The following PITPNC1 variants were observed in gnomAD, a reference collection of about 807,000 sequenced individuals.
The protein encoded by PITPNC1 is phosphatidylinositol transfer protein cytoplasmic 1, also known as cytoplasmic phosphatidylinositol transfer protein 1.
A neutral mutation model predicts 44.7 loss-of-function variants in PITPNC1; 18 were observed. The observed-to-expected ratio is 0.40, with a 90% CI of 0.28 to 0.60. PITPNC1 has a LOEUF of 0.60. Ranked by LOEUF, PITPNC1 falls within the 20% of genes least tolerant of loss-of-function variation. The probability of loss-of-function intolerance (pLI) is 0.39; values close to 1 mark genes in which losing one functional copy is unlikely to be tolerated. For missense variants in PITPNC1, 290 were observed against 418.4 expected, an observed-to-expected ratio of 0.69 and a Z score of 2.68; for synonymous variants, 141 against 149.6, an observed-to-expected ratio of 0.94 and a Z score of 0.42.
At chr17:67,521,537 T>G (rs185568013) in intron 1 of PITPNC1, among the ~76,000 whole-genome samples, 32 of 152,158 alleles carry the variant, frequency 2.1e-4, no homozygotes, top group Non-Finnish European at 4.4e-4. Flanking sequence ...CTGAGAGACA[T>G]CTGACAAAAC....
Position 67,494,185 on chromosome 17 carries a change from T to TTCTTTTTCTTTCTTTC in PITPNC1, c.49-38616_49-38615insCTTTTTCTTTCTTTCT. 7.8e-4 allele frequency among the ~76,000 whole-genome samples: 80 copies of TTCTTTTTCTTTCTTTC among 102,470 alleles called. 4 individuals carry two copies. Among genetic ancestry groups the TTCTTTTTCTTTCTTTC allele is most frequent in the East Asian group, 4.9e-3 (17 of 3,454 alleles). 67.2% of individuals were successfully genotyped at this position (102,470 alleles called of 152,430 possible). A position where few individuals can be genotyped will look rare whatever the true frequency, so the allele number is the denominator to read the frequency against. Reference sequence around the variant, plus strand: ...CCTCTTTCTTTCTTTCTTTCTTTCTTTTTCTTTCTTTCTTTCTTTCTTTCT... The same window carrying TTCTTTTTCTTTCTTTC: ...CCTCTTTCTTTCTTTCTTTCTTTCTTTCTTTTTCTTTCTTTCTTTCTTTCTTTCTTTCTTTCTTTCT... On this transcript the variant is annotated intron_variant, in intron 1 of 8. Coordinates refer to ENST00000581322, the MANE Select transcript of PITPNC1 (RefSeq NM_012417.4).
chr17:67,500,778 G>A (rs1598747336), intron 1 of PITPNC1, among the ~76,000 whole-genome samples: 1 of 151,862 alleles, frequency 6.6e-6, no homozygotes, highest in South Asian at 2.1e-4. Context: ...CAAACTCCTG[G>A]GCTCAAGTGA....
At chr17:67,391,760 A>T (rs2038142377) in intron 1 of PITPNC1, among the ~76,000 whole-genome samples, 1 of 152,052 alleles carries the variant, frequency 6.6e-6, no homozygotes, top group South Asian at 2.1e-4. Context: ...GGATTACAGG[A>T]GTGAGCCACC....
intron 4 of PITPNC1, among the ~76,000 whole-genome samples, chr17:67,576,349 C>G (rs1215015083): frequency 3.3e-5 from 5 of 152,062 alleles, no homozygotes; most frequent in African/African-American, 1.2e-4. Context: ...ATCTTTAAAG[C>G]AGGGGGGGAT....
At chr17:67,591,876 A>ATT (rs573013337) in intron 5 of PITPNC1, among the ~76,000 whole-genome samples, 41 of 139,894 alleles carry the variant, frequency 2.9e-4, no homozygotes, top group African/African-American at 4.7e-4. Context: ...TGCCCAGCTA[A>ATT]TTTTTTTTTT....
chr17:67,676,730 G>A lies in PITPNC1; in HGVS notation c.682+1188G>A, dbSNP rs2042609137. Among the ~76,000 whole-genome samples the A allele has an allele frequency of 6.6e-6, 1 of 152,040 alleles. No homozygotes were observed. Among genetic ancestry groups the A allele is most frequent in the Non-Finnish European group, 1.5e-5 (1 of 68,010 alleles). On this transcript the variant is annotated intron_variant, in intron 8 of 8. Coordinates refer to ENST00000581322, the MANE Select transcript of PITPNC1 (RefSeq NM_012417.4). This position sits in a 1 kb window ranked among gnomAD's most constrained non-coding sequence, Gnocchi z 4.0. The stretch of plus-strand genomic sequence containing the variant: ...ACCAAAGTAAAAGGACACGTTAGAC[G>A]GAAGGGGCAAAGACAGTCATTATTA...
At chr17:67,429,633 G>A (rs955165274) in intron 1 of PITPNC1, among the ~76,000 whole-genome samples, 1 of 151,954 alleles carries the variant, frequency 6.6e-6, no homozygotes, top group Non-Finnish European at 1.5e-5. Flanking sequence ...GGGAGGCGGA[G>A]GTTGCAGTGA....
At chr17:67,500,879 G>C (rs1027506921) in intron 1 of PITPNC1, among the ~76,000 whole-genome samples, 4 of 150,804 alleles carry the variant, frequency 2.7e-5, no homozygotes, top group African/African-American at 9.8e-5. Context: ...AGTGGAGACA[G>C]GGGTCTCTCT....
rs753128939 is a variant in PITPNC1, at chr17:67,494,185, T to C, written c.49-38617T>C. ...CCTCTTTCTTTCTTTCTTTCTTTCT[T>C]TTTCTTTCTTTCTTTCTTTCTTTCT... On this transcript the variant is annotated intron_variant, in intron 1 of 8. Coordinates refer to ENST00000581322, the MANE Select transcript of PITPNC1 (RefSeq NM_012417.4). Among the ~76,000 whole-genome samples the C allele has an allele frequency of 6.0e-4, 61 of 102,482 alleles. 1 individual carries two copies. The highest frequency in any genetic ancestry group is 1.5e-3 in the African/African-American group (41 of 26,470). 67.2% of individuals were successfully genotyped at this position (102,482 alleles called of 152,430 possible).
chr17:67,387,620 C>G (rs1320355795), intron 1 of PITPNC1, among the ~76,000 whole-genome samples: 1 of 152,106 alleles, frequency 6.6e-6, no homozygotes, highest in African/African-American at 2.4e-5. Flanking sequence ...GAGCTGAGAT[C>G]GAGGCTGCAC....
At chr17:67,407,323 T>C (rs1040384465) in intron 1 of PITPNC1, among the ~76,000 whole-genome samples, 1 of 152,202 alleles carries the variant, frequency 6.6e-6, no homozygotes, top group African/African-American at 2.4e-5. Context: ...AAATTTCTGT[T>C]CAAATCCTTT....
intron 1 of PITPNC1, among the ~76,000 whole-genome samples, chr17:67,394,982 C>T (rs965834096): frequency 1.3e-5 from 2 of 151,846 alleles, no homozygotes; most frequent in Non-Finnish European, 2.9e-5. Context: ...GATCACTGAG[C>T]CTAGAAGTTC....
chr17:67,581,433 T>G (rs1308661647), intron 5 of PITPNC1, among the ~76,000 whole-genome samples: 1 of 152,240 alleles, frequency 6.6e-6, no homozygotes, highest in Non-Finnish European at 1.5e-5. Context: ...ATGTGGACTC[T>G]GGAACTGCCC....
chr17:67,476,328 A>G (rs1195457435), intron 1 of PITPNC1, among the ~76,000 whole-genome samples: 4 of 151,980 alleles, frequency 2.6e-5, no homozygotes, highest in Admixed American at 2.6e-4. Context: ...CTGGGATTAC[A>G]GGCATGCACC....
At chr17:67,529,809 G>A (rs186057341) in intron 1 of PITPNC1, among the ~76,000 whole-genome samples, 13 of 152,202 alleles carry the variant, frequency 8.5e-5, no homozygotes, top group South Asian at 4.1e-4. Context: ...TAGTCGGGTC[G>A]TAGCGGCGTG....
At chr17:67,462,635 G>A (rs1266063714) in intron 1 of PITPNC1, among the ~76,000 whole-genome samples, 1 of 151,458 alleles carries the variant, frequency 6.6e-6, no homozygotes, top group African/African-American at 2.4e-5. Flanking sequence ...AAAACAGATT[G>A]CTTTCATGCA....
chr17:67,444,230 T>C (rs2039060668), intron 1 of PITPNC1, among the ~76,000 whole-genome samples: 1 of 152,012 alleles, frequency 6.6e-6, no homozygotes, highest in Admixed American at 6.6e-5. Flanking sequence ...AACATGAACA[T>C]TGTAATTGAT....
intron 5 of PITPNC1, among the ~76,000 whole-genome samples, chr17:67,614,034 C>G (rs756484684): frequency 6.8e-6 from 1 of 146,314 alleles, no homozygotes; most frequent in African/African-American, 2.5e-5. Flanking sequence ...CTACAGTGAC[C>G]CATGATCGCG....
Position 67,651,237 on chromosome 17 carries a change from G to A in PITPNC1, c.463-18271G>A, listed in dbSNP as rs2042206017. Among the ~76,000 whole-genome samples the A allele has an allele frequency of 2.6e-5, 4 of 152,200 alleles. No individual in the cohort carries two copies. The South Asian group carries it at 8.3e-4, about 32-fold the overall frequency. On this transcript the variant is annotated intron_variant, in intron 6 of 8. Coordinates refer to ENST00000581322, the MANE Select transcript of PITPNC1 (RefSeq NM_012417.4). ...TTTAAAAAACAGCTTTATTGGCTGG[G>A]CACAATAGCTCACCACTGTAATCCC...
Sources: gnomAD v4.1 joint callset for allele counts (sites outside exome capture counted in the v4.1 genomes callset) on GRCh38, gnomAD v4.1.1 for gene constraint, Gnocchi (gnomAD v3.1) non-coding constraint, MANE v1.5 for transcripts, NCBI Gene and HGNC (gene_info 2026-07-23, HGNC 2026-07-21) for gene names.